NLRP8: variants seen among roughly 807,000 people sequenced by gnomAD.
NLRP8 encodes NLR family pyrin domain containing 8.
Under a neutral mutation model 88.7 loss-of-function variants are expected in NLRP8, and 86 were observed. The ratio of observed to expected loss-of-function variants is 0.97; its 90% CI spans 0.81 to 1.16. The LOEUF (loss-of-function observed/expected upper bound fraction) is 1.16. Among genes scored for constraint, NLRP8 ranks in the 50% most tolerant of loss-of-function variants. NLRP8 has a pLI of 0.00. For synonymous variants in NLRP8, 504 were observed against 494.6 expected, an observed-to-expected ratio of 1.02 and a Z score of -0.25; for missense variants, 1,342 against 1,286.5, an observed-to-expected ratio of 1.04 and a Z score of -0.66.
In NLRP8 at chr19:55,982,436, C is replaced by T. The variant is rs79517524; in HGVS notation, c.3047+2872C>T. ...ATAAAGAAAATGTGGTACTTACGCA[C>T]AATGGAGTACTATTCAGCCATGAAA... is the stretch of plus-strand genomic sequence containing the variant. On this transcript the variant is annotated intron_variant, in intron 9 of 9. Coordinates refer to ENST00000291971, the MANE Select transcript of NLRP8 (RefSeq NM_176811.2). 7.5e-3 allele frequency among the ~76,000 whole-genome samples: 1,145 copies of T among 152,240 alleles called. 16 individuals carry two copies. The highest frequency in any genetic ancestry group is 0.029 in the South Asian group (142 of 4,820).
At chr19:55,967,044 C>G (rs1979875638) in intron 5 of NLRP8, among the ~76,000 whole-genome samples, 1 of 152,150 alleles carries the variant, frequency 6.6e-6, no homozygotes, top group African/African-American at 2.4e-5. Flanking sequence ...AGATCTAGCC[C>G]TTCAAACATT....
chr19:55,970,629 C>G lies in NLRP8; in HGVS notation c.2467C>G (p.Leu823Val). The G allele has an allele frequency of 6.2e-7, 1 of 1,614,034 alleles. No homozygotes were observed. Among genetic ancestry groups the G allele is most frequent in the Non-Finnish European group, 8.5e-7 (1 of 1,180,024 alleles). ...TAACGGGCATCTAAAGACTCTCATA[C>G]TAAGAAAAAACTCCCTGGAGAACTG... is the stretch of plus-strand genomic sequence containing the variant. Residue 823 changes from leucine (L) to valine (V), a missense_variant, in exon 6 of 10, where the codon CTA becomes GTA. Transcript: ENST00000291971.
chr19:55,958,918 G>C (rs969835042), intron 3 of NLRP8, among the ~76,000 whole-genome samples: 1 of 151,334 alleles, frequency 6.6e-6, no homozygotes, highest in African/African-American at 2.4e-5. Flanking sequence ...TCATTCTGTC[G>C]CCCAAGCTGG....
At chr19:55,964,413 C>T (rs1979745908) in intron 4 of NLRP8, among the ~76,000 whole-genome samples, 1 of 152,174 alleles carries the variant, frequency 6.6e-6, no homozygotes, top group African/African-American at 2.4e-5. Flanking sequence ...TTCTGAATTC[C>T]ATGTTGCACA....
chr19:55,960,188 CT>C lies in NLRP8; in HGVS notation c.2043-1875del, dbSNP rs1368142820. Among the ~76,000 whole-genome samples, 2 of 152,094 alleles carry C rather than the reference CT, an allele frequency of 1.3e-5. 1 individual carries two copies. On this transcript the variant is annotated intron_variant, in intron 3 of 9. Coordinates refer to ENST00000291971, the MANE Select transcript of NLRP8 (RefSeq NM_176811.2). ...TGTGTGAGGGCACTGGCTCTGTCAG[CT>C]TTTAATATTTAACTTACCCACTCAG...
chr19:55,953,878 T>G (rs561083336), intron 2 of NLRP8, among the ~76,000 whole-genome samples: 1 of 140,324 alleles, frequency 7.1e-6, no homozygotes, highest in African/African-American at 2.6e-5. Context: ...CTTGGCTCAC[T>G]GGAACCTCTG....
At chr19:55,970,404 G>A in intron 5 of NLRP8, 140 bp from the exon 6 acceptor site, 1 of 929,532 alleles carries the variant, frequency 1.1e-6, no homozygotes, top group Non-Finnish European at 1.6e-6. Context: ...CTTGGTGCAG[G>A]TGTGCTGGCC....
chr19:55,948,627 G>A (rs1246428337), intron 1 of NLRP8, among the ~76,000 whole-genome samples: 6 of 151,890 alleles, frequency 4.0e-5, no homozygotes, highest in Admixed American at 1.3e-4. Context: ...TAGTAGAGAC[G>A]GGGTTTCACC....
intron 3 of NLRP8, among the ~76,000 whole-genome samples, chr19:55,957,797 A>G (rs976373483): frequency 6.6e-6 from 1 of 150,566 alleles, no homozygotes; most frequent in Admixed American, 6.6e-5. Flanking sequence ...AGTGCTCAGT[A>G]GATACAAACT....
At chr19:55,987,594 C>T (rs1980908505) in intron 9 of NLRP8, among the ~76,000 whole-genome samples, 1 of 152,102 alleles carries the variant, frequency 6.6e-6, no homozygotes. Flanking sequence ...AAATGGCTTG[C>T]CTGGGGTAGA....
intron 3 of NLRP8, among the ~76,000 whole-genome samples, chr19:55,957,678 TA>T (rs1979431364): frequency 2.5e-3 from 3 of 1,180 alleles, no homozygotes. Flanking sequence ...AATAATTATA[TA>T]TATATATATA....
intron 4 of NLRP8, among the ~76,000 whole-genome samples, chr19:55,965,400 G>A (rs1386094734): frequency 6.6e-6 from 1 of 151,736 alleles, no homozygotes; most frequent in African/African-American, 2.4e-5. Flanking sequence ...ACAGTAAGCT[G>A]AGATCGCACC....
chr19:55,986,895 G>A lies in NLRP8; in HGVS notation c.3048-919G>A, dbSNP rs550946598. ...CACTGCTGATTAGAACCCGCGTATT[G>A]AGCTTACTAGGTGCCCCCACCCTCT... On this transcript the variant is annotated intron_variant, in intron 9 of 9. Coordinates refer to ENST00000291971, the MANE Select transcript of NLRP8 (RefSeq NM_176811.2). Among the ~76,000 whole-genome samples, 3 of 152,218 alleles carry A rather than the reference G, an allele frequency of 2.0e-5. No homozygotes were observed. The East Asian group carries it at 5.8e-4, about 29-fold the overall frequency.
chr19:55,962,272 T>C (rs906499018), intron 4 of NLRP8, 35 bp downstream of exon 4: 2 of 1,593,682 alleles, frequency 1.3e-6, no homozygotes, highest in East Asian at 2.2e-5. Flanking sequence ...GAAGGAACTT[T>C]ATGGAGATGG....
intron 1 of NLRP8, 100 bp downstream of exon 1, chr19:55,948,369 A>G: frequency 7.8e-7 from 1 of 1,282,148 alleles, no homozygotes; most frequent in Non-Finnish European, 1.1e-6. Context: ...CTTCTGAGCA[A>G]GAAAGCAAAC....
At chr19:55,968,382 T>C (rs1979935337) in intron 5 of NLRP8, among the ~76,000 whole-genome samples, 1 of 151,820 alleles carries the variant, frequency 6.6e-6, no homozygotes, top group South Asian at 2.1e-4. Context: ...GAGGTTGCAG[T>C]GAGCCGAGAT....
chr19:55,965,425 T>C (rs1228691616), intron 4 of NLRP8, among the ~76,000 whole-genome samples: 3 of 151,288 alleles, frequency 2.0e-5, no homozygotes, highest in Non-Finnish European at 4.4e-5. Flanking sequence ...CACTCCAGCC[T>C]GCGCAACAGA....
chr19:55,951,269 T>A (rs1979083281), intron 1 of NLRP8, among the ~76,000 whole-genome samples: 1 of 152,136 alleles, frequency 6.6e-6, no homozygotes, highest in Non-Finnish European at 1.5e-5. Flanking sequence ...ATCAACAATA[T>A]GTACTAAATA....
chr19:55,956,120 C>T lies in NLRP8; in HGVS notation c.2042+20C>T, dbSNP rs1383063396. ...CTCTGAGTAAGTGCTTCGGTCCCTCCTTGGGTAGCCCGTCCTACCCGGAGG... is the reference window on the plus strand; with the variant it reads ...CTCTGAGTAAGTGCTTCGGTCCCTCTTTGGGTAGCCCGTCCTACCCGGAGG... On this transcript the variant is annotated intron_variant, in intron 3 of 9. Coordinates refer to ENST00000291971, the MANE Select transcript of NLRP8 (RefSeq NM_176811.2). 3.1e-6 allele frequency: 5 copies of T among 1,595,382 alleles called. No homozygotes were observed. The highest frequency in any genetic ancestry group is 4.3e-6 in the Non-Finnish European group (5 of 1,170,118).
Sources: allele counts gnomAD v4.1 joint callset (sites outside exome capture counted in the v4.1 genomes callset), GRCh38; gene constraint gnomAD v4.1.1; transcripts MANE v1.5; gene names NCBI Gene and HGNC (gene_info 2026-07-23, HGNC 2026-07-21).